CCSER1: variants seen among roughly 807,000 people sequenced by gnomAD.
CCSER1 encodes serine-rich coiled-coil domain-containing protein 1.
A neutral mutation model predicts 82.0 loss-of-function variants in CCSER1; 41 were observed. The ratio of observed to expected loss-of-function variants is 0.50; its 90% CI spans 0.39 to 0.65. The LOEUF is 0.65. CCSER1 is among the 30% of genes least tolerant of loss of function. The pLI, the probability that CCSER1 is intolerant of heterozygous loss-of-function variation, is 0.00. For missense variants in CCSER1, 1,119 were observed against 1,064.2 expected (o/e 1.05, Z -0.72); for synonymous variants, 414 against 383.9 (o/e 1.08, Z -0.92).
At chr4:90,434,619 C>T (rs1758763123) in intron 4 of CCSER1, among the ~76,000 whole-genome samples, 1 of 152,058 alleles carries the variant, frequency 6.6e-6, no homozygotes, top group African/African-American at 2.4e-5. Context: ...GGGTAAAAAG[C>T]AGAAACATAA....
intron 5 of CCSER1, among the ~76,000 whole-genome samples, chr4:90,513,827 C>T (rs1249584566): frequency 6.6e-6 from 1 of 152,048 alleles, no homozygotes; most frequent in African/African-American, 2.4e-5. Flanking sequence ...TGGACAACTA[C>T]AAAGATGAGG....
At chr4:91,167,420 G>C (rs545214652) in intron 10 of CCSER1, among the ~76,000 whole-genome samples, 42 of 152,136 alleles carry the variant, frequency 2.8e-4, no homozygotes, top group African/African-American at 9.6e-4. Context: ...TCCTGACCTA[G>C]TGATCCACCC....
chr4:90,341,056 T>C (rs17016811), intron 3 of CCSER1, among the ~76,000 whole-genome samples: 10,957 of 152,144 alleles, frequency 0.072, 590 homozygotes, highest in East Asian at 0.19. Flanking sequence ...TGTGATATAA[T>C]GTGGGAGAAA....
chr4:91,488,577 T>C (rs1758344035), intron 10 of CCSER1, among the ~76,000 whole-genome samples: 1 of 152,118 alleles, frequency 6.6e-6, no homozygotes, highest in Non-Finnish European at 1.5e-5. Context: ...GTGAGTGAGT[T>C]AGCACGAGAA....
At chr4:91,503,341 CAAAAAA>C (rs530250350) in intron 10 of CCSER1, among the ~76,000 whole-genome samples, 1 of 79,614 alleles carries the variant, frequency 1.3e-5, no homozygotes, top group Non-Finnish European at 2.6e-5. Context: ...TACTCCATCT[CAAAAAA>C]AAAAAAAAGA....
At chr4:90,785,551 T>G (rs1351004776) in intron 7 of CCSER1, among the ~76,000 whole-genome samples, 1 of 152,214 alleles carries the variant, frequency 6.6e-6, no homozygotes, top group East Asian at 1.9e-4. Flanking sequence ...AGTGCAAATC[T>G]CTCAATGTGA....
intron 10 of CCSER1, among the ~76,000 whole-genome samples, chr4:91,226,388 G>C (rs887830953): frequency 1.3e-5 from 2 of 151,840 alleles, no homozygotes; most frequent in Admixed American, 6.6e-5. Context: ...ATTGGAATTT[G>C]CAAGAAAAAT....
chr4:90,248,872 G>GT (rs34719673), intron 1 of CCSER1, among the ~76,000 whole-genome samples: 6,734 of 150,740 alleles, frequency 0.045, 376 homozygotes, highest in African/African-American at 0.13. Context: ...TAATTTTTGT[G>GT]TTTTTTTTGT....
At chr4:90,803,232 C>T (rs1044274830) in intron 7 of CCSER1, among the ~76,000 whole-genome samples, 2 of 151,944 alleles carry the variant, frequency 1.3e-5, no homozygotes, top group African/African-American at 4.8e-5. Context: ...TTAAATTATA[C>T]TTTAAGTTCT....
At chr4:90,128,278 G>C (rs1321203482) in intron 1 of CCSER1, among the ~76,000 whole-genome samples, 1 of 152,014 alleles carries the variant, frequency 6.6e-6, no homozygotes, top group Non-Finnish European at 1.5e-5. Flanking sequence ...GGGGACGGCG[G>C]CGAAGAGGGG....
At chr4:90,877,592 ACT>A (rs1194068363) in intron 8 of CCSER1, among the ~76,000 whole-genome samples, 3 of 151,902 alleles carry the variant, frequency 2.0e-5, no homozygotes, top group Non-Finnish European at 4.4e-5. Flanking sequence ...ACTAAGAAAG[ACT>A]CTGACACAGA....
At chr4:90,862,839 A>G (rs1765258100) in intron 8 of CCSER1, among the ~76,000 whole-genome samples, 1 of 150,436 alleles carries the variant, frequency 6.6e-6, no homozygotes, top group Admixed American at 6.6e-5. Flanking sequence ...TCTCTCTTTT[A>G]TTAATAAACT....
At chr4:90,456,180 C>T (rs1359751990) in intron 4 of CCSER1, among the ~76,000 whole-genome samples, 1 of 152,034 alleles carries the variant, frequency 6.6e-6, no homozygotes, top group African/African-American at 2.4e-5. Context: ...GGGGAAGGTG[C>T]CTGGGGAAAA....
intron 5 of CCSER1, among the ~76,000 whole-genome samples, chr4:90,534,441 T>TGTGTG (rs1775030750): frequency 7.3e-6 from 1 of 136,394 alleles, no homozygotes; most frequent in Admixed American, 7.4e-5. Flanking sequence ...TGCCAGCCTT[T>TGTGTG]TGTGTGTGTG....
chr4:90,543,499 T>C (rs1053702107), intron 5 of CCSER1, among the ~76,000 whole-genome samples: 1 of 152,016 alleles, frequency 6.6e-6, no homozygotes, highest in Non-Finnish European at 1.5e-5. Flanking sequence ...ACCTTGTGGG[T>C]GATTGTTTTT....
chr4:90,945,763 C>A (rs1245743684), intron 9 of CCSER1, among the ~76,000 whole-genome samples: 2 of 152,186 alleles, frequency 1.3e-5, no homozygotes, highest in African/African-American at 4.8e-5. Context: ...TTCATAACTT[C>A]TCCAGGCATC....
At chr4:90,779,729 A>G (rs1301667990) in intron 7 of CCSER1, among the ~76,000 whole-genome samples, 1 of 152,196 alleles carries the variant, frequency 6.6e-6, no homozygotes, top group Non-Finnish European at 1.5e-5. Flanking sequence ...TTTTGAAGCT[A>G]CGGCTTAGAC....
intron 8 of CCSER1, among the ~76,000 whole-genome samples, chr4:90,828,504 G>A (rs932933344): frequency 1.3e-5 from 2 of 152,098 alleles, no homozygotes; most frequent in Non-Finnish European, 2.9e-5. Flanking sequence ...AACAAAACAA[G>A]AATGAATGGG....
intron 4 of CCSER1, among the ~76,000 whole-genome samples, chr4:90,464,351 TAA>T (rs1763343219): frequency 6.6e-6 from 1 of 152,248 alleles, no homozygotes; most frequent in Non-Finnish European, 1.5e-5. Context: ...TTTCTTATTT[TAA>T]AGTCCCTATT....
Sources: allele counts gnomAD v4.1 joint callset (sites outside exome capture counted in the v4.1 genomes callset), GRCh38; gene constraint gnomAD v4.1.1; transcripts MANE v1.5; gene names NCBI Gene and HGNC (gene_info 2026-07-23, HGNC 2026-07-21).